Variants in HROB observed in about 807,000 individuals in gnomAD.
The protein encoded by HROB is homologous recombination factor with OB-fold, also known as homologous recombination OB-fold protein.
In HROB, 44 loss-of-function variants were observed where a neutral mutation model predicts 61.0. The ratio of observed to expected loss-of-function variants is 0.72; its 90% CI spans 0.57 to 0.93. HROB has a LOEUF of 0.93. Ranked by LOEUF, HROB falls within the 40% of genes least tolerant of loss-of-function variation. The pLI is 0.00. For missense variants in HROB, 716 were observed against 796.2 expected (o/e 0.90, Z 1.21); for synonymous variants, 301 against 310.4 (o/e 0.97, Z 0.32).
chr17:44,145,343 C>A, intron 2 of HROB, 90 bp downstream of exon 2: 1 of 1,475,956 alleles, frequency 6.8e-7, no homozygotes, highest in Non-Finnish European at 9.4e-7. Context: ...CCTGTACCAG[C>A]CTCCTTTTAG....
chr17:44,154,417 C>T (rs2053908898), intron 5 of HROB, 139 bp from the exon 6 acceptor site: 2 of 734,662 alleles, frequency 2.7e-6, no homozygotes, highest in South Asian at 1.6e-5. Context: ...TGGGGTACCT[C>T]CTTGTCCTCC....
chr17:44,160,534 C>CT, intron 9 of HROB, among the ~76,000 whole-genome samples: 1 of 152,312 alleles, frequency 6.6e-6, no homozygotes, highest in African/African-American at 2.4e-5. Context: ...TGCCACTGCA[C>CT]TCCAGCCTGG....
chr17:44,150,676 C>T (rs558457552), intron 3 of HROB, among the ~76,000 whole-genome samples: 17 of 152,330 alleles, frequency 1.1e-4, no homozygotes, highest in African/African-American at 3.6e-4. Flanking sequence ...CAGGTGTGAG[C>T]CGCCACGCCC....
intron 9 of HROB, among the ~76,000 whole-genome samples, chr17:44,160,499 C>T (rs952108070): frequency 6.6e-6 from 1 of 152,074 alleles, no homozygotes; most frequent in Non-Finnish European, 1.5e-5. Flanking sequence ...ACCTGGGAGG[C>T]GGAGCTTCCA....
chr17:44,142,750 C>T (rs2053492809), intron 1 of HROB, among the ~76,000 whole-genome samples: 1 of 152,102 alleles, frequency 6.6e-6, no homozygotes, highest in African/African-American at 2.4e-5. Context: ...TCCTGGGACC[C>T]TAGTTTTTGG....
intron 9 of HROB, 131 bp from the exon 10 acceptor site, chr17:44,161,740 C>A: frequency 1.1e-6 from 1 of 918,818 alleles, no homozygotes; most frequent in Admixed American, 2.0e-5. Flanking sequence ...ATGGGTACCA[C>A]TGCCTGGAGG....
chr17:44,152,864 G>T, intron 5 of HROB, 87 bp downstream of exon 5: 2 of 1,514,212 alleles, frequency 1.3e-6, no homozygotes, highest in African/African-American at 1.4e-5. Context: ...TTAGGAAGGG[G>T]CTGTTTGCTC....
rs954414319 is a variant in HROB, at chr17:44,141,953, C to T, written c.-190C>T. On this transcript the variant is annotated 5_prime_UTR_variant, in exon 1 of 10. Transcript: ENST00000585683. ...CCAGTGGCGGCGTCTTCGAATGCGGCCTAAGGCGCCTGCCGCCAGTCTCCT... is the reference window on the plus strand; with the variant it reads ...CCAGTGGCGGCGTCTTCGAATGCGGTCTAAGGCGCCTGCCGCCAGTCTCCT... 8 of 730,720 alleles carry T rather than the reference C, an allele frequency of 1.1e-5. No homozygotes were observed. Among genetic ancestry groups the T allele is most frequent in the African/African-American group, 5.6e-5 (3 of 53,142 alleles). 45.3% of individuals were successfully genotyped at this position (730,720 alleles called of 1,614,324 possible). A position where few individuals can be genotyped will look rare whatever the true frequency, so the allele number is the denominator to read the frequency against.
In HROB at chr17:44,160,193, G is replaced by T. The variant is rs1205842969; in HGVS notation, c.1880-1678G>T. ...GCTCACTTCTCACAATGTGCCTTCA[G>T]CTCCTGACTCTGTACTGGCTGTTTT... On this transcript the variant is annotated intron_variant, in intron 9 of 9. Coordinates refer to ENST00000585683, the MANE Select transcript of HROB (RefSeq NM_001171251.3). Among the ~76,000 whole-genome samples the T allele has an allele frequency of 3.9e-5, 6 of 152,300 alleles. No individual in the cohort carries two copies. The East Asian group carries it at 9.6e-4, about 24-fold the overall frequency.
Position 44,148,561 on chromosome 17 carries a change from T to C in HROB, c.758T>C (p.Val253Ala). Reference protein sequence around the residue: ...LRPGAVGHLPVPTALTVPTQQ... With the variant: ...LRPGAVGHLPAPTALTVPTQQ... The stretch of plus-strand genomic sequence containing the variant: ...CCTGGTGCTGTGGGTCACCTTCCTG[T>C]TCCAACTGCCTTAACAGTTCCCACT... Residue 253 changes from valine to alanine, a missense_variant, in exon 3 of 10, where the codon GTT becomes GCT. Val to Ala is a moderately conservative substitution (Grantham distance 64, BLOSUM62 0). Coordinates refer to ENST00000585683, the MANE Select transcript of HROB (RefSeq NM_001171251.3). 2 of 1,614,006 alleles carry C rather than the reference T, an allele frequency of 1.2e-6. No individual in the cohort carries two copies. The highest frequency in any genetic ancestry group is 1.7e-5 in the Admixed American group (1 of 59,996).
chr17:44,142,935 TTTTG>T (rs1446650900), intron 1 of HROB, among the ~76,000 whole-genome samples: 4 of 151,684 alleles, frequency 2.6e-5, no homozygotes, highest in Non-Finnish European at 4.4e-5. Flanking sequence ...TGACACCTGT[TTTTG>T]TTTGTTTGTT....
Position 44,145,223 on chromosome 17 carries a change from G to A in HROB, c.24G>A (p.Leu8=). 1 of 1,613,926 alleles carries A rather than the reference G, an allele frequency of 6.2e-7. No homozygotes were observed. Among genetic ancestry groups the A allele is most frequent in the Non-Finnish European group, 8.5e-7 (1 of 1,179,868 alleles). Residue 8 remains leucine, a synonymous_variant, in exon 2 of 10, where the codon CTG becomes CTA. Transcript: ENST00000585683. ...TTCAGGCGTGCAGTTTGCAGAAGCT[G>A]TTTGCTGTGGAAGAGGAGTTTGAAG... The part of the protein sequence containing the change: MACSLQK[L]FAVEEEFEDE...
intron 3 of HROB, among the ~76,000 whole-genome samples, chr17:44,150,396 T>C (rs1176603647): frequency 5.9e-5 from 8 of 135,304 alleles, no homozygotes; most frequent in East Asian, 2.5e-4. Context: ...TTCTTTCTTT[T>C]TTTTTTTTTT....
chr17:44,150,397 T>C (rs936636431), intron 3 of HROB, among the ~76,000 whole-genome samples: 5 of 136,268 alleles, frequency 3.7e-5, no homozygotes, highest in Admixed American at 1.5e-4. Context: ...TCTTTCTTTT[T>C]TTTTTTTTTT....
In HROB at chr17:44,151,523, A is replaced by G. The variant is rs535233525; in HGVS notation, c.1308+479A>G. 4.6e-5 allele frequency among the ~76,000 whole-genome samples: 7 copies of G among 152,266 alleles called. 1 individual carries two copies. The South Asian group carries it at 1.5e-3, about 32-fold the overall frequency. Reference sequence around the variant, plus strand: ...CCCAGTTTTGCTTTTAATTCTCCCCAGTATTTTTTCTCTGCTGTAGCTCCG... The same window carrying G: ...CCCAGTTTTGCTTTTAATTCTCCCCGGTATTTTTTCTCTGCTGTAGCTCCG... On this transcript the variant is annotated intron_variant, in intron 4 of 9. Coordinates refer to ENST00000585683, the MANE Select transcript of HROB (RefSeq NM_001171251.3).
chr17:44,160,371 T>G (rs536899403), intron 9 of HROB, among the ~76,000 whole-genome samples: 1 of 152,184 alleles, frequency 6.6e-6, no homozygotes, highest in African/African-American at 2.4e-5. Flanking sequence ...ATCGAGACCA[T>G]CCTGACTAAC....
intron 1 of HROB, 63 bp downstream of exon 1, chr17:44,142,208 C>T (rs901160971): frequency 1.4e-6 from 2 of 1,434,058 alleles, no homozygotes; most frequent in South Asian, 1.4e-5. Flanking sequence ...CGGAACTGCT[C>T]ATGGGGTTCC....
At position 44,148,015 on chromosome 17, in the gene HROB, C is replaced by T; in HGVS notation, c.212C>T (p.Ala71Val). Residue 71 changes from alanine (A) to valine (V), a missense_variant, in exon 3 of 10, where the codon GCT (alanine) becomes GTT (valine). By Grantham distance (64) the Ala-to-Val change is moderately conservative (BLOSUM62 0). Coordinates refer to ENST00000585683, the MANE Select transcript of HROB (RefSeq NM_001171251.3). ...LLLHPTAPSE[A>V]LGLPDLDLCL... The stretch of plus-strand genomic sequence containing the variant: ...TTACACCCCACTGCTCCCTCAGAGG[C>T]TTTGGGCCTGCCAGACTTGGACCTC... 1 of 1,614,036 alleles carries T rather than the reference C, an allele frequency of 6.2e-7. No homozygotes were observed. Among genetic ancestry groups the T allele is most frequent in the Admixed American group, 1.7e-5 (1 of 60,004 alleles).
At chr17:44,153,072 G>A (rs566065356) in intron 5 of HROB, among the ~76,000 whole-genome samples, 15 of 152,298 alleles carry the variant, frequency 9.8e-5, no homozygotes, top group African/African-American at 3.6e-4. Flanking sequence ...GTTAAGGGTT[G>A]TGTGCAGAGA....
Sources: gnomAD v4.1 joint callset for allele counts (sites outside exome capture counted in the v4.1 genomes callset) on GRCh38, gnomAD v4.1.1 for gene constraint, MANE v1.5 for transcripts, NCBI Gene and HGNC (gene_info 2026-07-23, HGNC 2026-07-21) for gene names.